Variants in VAT1L observed in about 807,000 individuals in gnomAD.
The protein encoded by VAT1L is putative NADPH-dependent quinone oxidoreductase VAT1L.
A neutral mutation model predicts 44.1 loss-of-function variants in VAT1L; 34 were observed. The ratio of observed to expected loss-of-function variants is 0.77; its 90% CI spans 0.59 to 1.03. The LOEUF is 1.03. Ranked by LOEUF, VAT1L falls within the 50% of genes least tolerant of loss-of-function variation. VAT1L has a pLI of 0.00. For synonymous variants in VAT1L, 253 were observed against 202.2 expected, an observed-to-expected ratio of 1.25 and a Z score of -2.13; for missense variants, 615 against 538.8, an observed-to-expected ratio of 1.14 and a Z score of -1.40.
At chr16:77,948,825 C>T (rs12444075) in intron 7 of VAT1L, among the ~76,000 whole-genome samples, 1 of 152,092 alleles carries the variant, frequency 6.6e-6, no homozygotes, top group Non-Finnish European at 1.5e-5. Flanking sequence ...TCATCTTCTA[C>T]ATATGTAACA....
At chr16:77,910,324 CA>C (rs1395227607) in intron 7 of VAT1L, among the ~76,000 whole-genome samples, 3 of 152,310 alleles carry the variant, frequency 2.0e-5, no homozygotes, top group East Asian at 3.9e-4. Context: ...GGATATGTTT[CA>C]CAAACATGAA....
At chr16:77,854,130 A>G (rs933082008) in intron 3 of VAT1L, among the ~76,000 whole-genome samples, 2 of 151,878 alleles carry the variant, frequency 1.3e-5, no homozygotes, top group African/African-American at 4.8e-5. Context: ...TCTGTCTCAA[A>G]CGAAAAAAAA....
rs981931508 is a variant in VAT1L at position 77,876,475 on chromosome 16, T to C, written c.826+2T>C. 2.5e-6 allele frequency: 4 copies of C among 1,613,938 alleles called. No individual in the cohort carries two copies. Among genetic ancestry groups the C allele is most frequent in the Non-Finnish European group, 2.5e-6 (3 of 1,179,800 alleles). ...CCCTGGGAACCTACATTTTATATGG[T>C]GAGTGCAAAACAGCAGCAGGGACGT... On this transcript the variant is annotated splice_donor_variant, in intron 5 of 8. Coordinates refer to ENST00000302536, the MANE Select transcript of VAT1L (RefSeq NM_020927.3). LOFTEE classifies it high-confidence loss of function.
chr16:77,825,596 C>T, intron 3 of VAT1L, 135 bp downstream of exon 3: 1 of 1,007,896 alleles, frequency 9.9e-7, no homozygotes, highest in Non-Finnish European at 1.5e-6. Context: ...TTCACATGGA[C>T]AGCAAAGCCC....
intron 3 of VAT1L, among the ~76,000 whole-genome samples, chr16:77,828,142 G>T (rs1444601420): frequency 6.6e-6 from 1 of 152,152 alleles, no homozygotes; most frequent in Non-Finnish European, 1.5e-5. Flanking sequence ...TGAACACTCC[G>T]CTGAGCCGGG....
chr16:77,814,740 C>T (rs529894818), intron 1 of VAT1L, among the ~76,000 whole-genome samples: 11 of 152,228 alleles, frequency 7.2e-5, no homozygotes, highest in Admixed American at 2.6e-4. Flanking sequence ...TACAGTGATG[C>T]GTTATTTATT....
chr16:77,977,659 C>G lies in VAT1L; in HGVS notation c.1224C>G (p.Asp408Glu). 1 of 1,614,076 alleles carries G rather than the reference C, an allele frequency of 6.2e-7. No individual in the cohort carries two copies. The highest frequency in any genetic ancestry group is 8.5e-7 in the Non-Finnish European group (1 of 1,179,974). ...AGEEEEDHEG[D>E]SENKERMPFI... ...AAGAGGAGGAGGACCACGAGGGAGA[C>G]AGCGAGAACAAGGAGCGGATGCCCT... Residue 408 changes from aspartate to glutamate, a missense_variant, in exon 9 of 9, where the codon GAC becomes GAG. Physicochemically the swap from Asp to Glu is conservative, Grantham distance 45 (BLOSUM62 2). Transcript: ENST00000302536.
rs2017189469 is a variant in VAT1L at position 77,884,571 on chromosome 16, T to A, written c.883-37T>A. On this transcript the variant is annotated intron_variant, in intron 6 of 8. Transcript: ENST00000302536. The surrounding 1 kb of genome is among the most constrained non-coding windows in gnomAD (Gnocchi z 4.5). ...TGCCAATGTAGGCTTAACCCCGGTATTGAGTTCCTATAACCCAATACCACC... is the reference window on the plus strand; with the variant it reads ...TGCCAATGTAGGCTTAACCCCGGTAATGAGTTCCTATAACCCAATACCACC... 2 of 1,595,702 alleles carry A rather than the reference T, an allele frequency of 1.3e-6. No individual in the cohort carries two copies. Among genetic ancestry groups the A allele is most frequent in the South Asian group, 1.1e-5 (1 of 88,186 alleles).
chr16:77,820,237 G>C (rs143380915), intron 2 of VAT1L, among the ~76,000 whole-genome samples: 207 of 152,214 alleles, frequency 1.4e-3, no homozygotes, highest in African/African-American at 4.2e-3. Context: ...CTAACACTAG[G>C]AGGAGATGAC....
chr16:77,887,765 A>G (rs2017224155), intron 7 of VAT1L, among the ~76,000 whole-genome samples: 1 of 152,172 alleles, frequency 6.6e-6, no homozygotes, highest in Non-Finnish European at 1.5e-5. Context: ...CCTTGAACAT[A>G]CTTCTTCCAT....
intron 6 of VAT1L, among the ~76,000 whole-genome samples, chr16:77,883,097 A>T (rs2017172011): frequency 6.6e-6 from 1 of 152,214 alleles, no homozygotes; most frequent in Admixed American, 6.5e-5. Flanking sequence ...TAAAAAAAAT[A>T]AAAAATTTTC....
intron 7 of VAT1L, among the ~76,000 whole-genome samples, chr16:77,909,068 G>C (rs1158148542): frequency 6.6e-6 from 1 of 152,138 alleles, no homozygotes; most frequent in Non-Finnish European, 1.5e-5. Flanking sequence ...CCATGTACTG[G>C]ACACTGTCCT....
chr16:77,802,606 C>T (rs1036750704), intron 1 of VAT1L, among the ~76,000 whole-genome samples: 10 of 140,944 alleles, frequency 7.1e-5, no homozygotes, highest in African/African-American at 2.7e-4. Flanking sequence ...AGAGCGAGAC[C>T]CCATCTCAAA....
chr16:77,943,590 G>A (rs192302014), intron 7 of VAT1L, among the ~76,000 whole-genome samples: 3 of 152,008 alleles, frequency 2.0e-5, no homozygotes, highest in South Asian at 4.2e-4. Context: ...TTTTAGTAGA[G>A]ATGGGGTTTC....
At chr16:77,830,449 T>TA in intron 3 of VAT1L, among the ~76,000 whole-genome samples, 1 of 152,276 alleles carries the variant, frequency 6.6e-6, no homozygotes, top group Non-Finnish European at 1.5e-5. Flanking sequence ...CATCTTGAAT[T>TA]ATGGCTCCCA....
At chr16:77,941,332 C>A (rs549710123) in intron 7 of VAT1L, among the ~76,000 whole-genome samples, 1 of 152,274 alleles carries the variant, frequency 6.6e-6, no homozygotes, top group Non-Finnish European at 1.5e-5. Context: ...TCATCCTACT[C>A]ACCGAAACAG....
At chr16:77,890,418 T>C (rs1302789589) in intron 7 of VAT1L, among the ~76,000 whole-genome samples, 2 of 152,076 alleles carry the variant, frequency 1.3e-5, no homozygotes, top group African/African-American at 4.8e-5. Context: ...GTAGGGGGAT[T>C]GCTGTTGGAG....
intron 8 of VAT1L, among the ~76,000 whole-genome samples, chr16:77,975,028 G>A (rs1299859545): frequency 6.6e-6 from 1 of 151,922 alleles, no homozygotes; most frequent in African/African-American, 2.4e-5. Flanking sequence ...CAGAAGACAT[G>A]GAGATGCAGG....
chr16:77,825,142 T>A (rs906816677), intron 2 of VAT1L, 104 bp from the exon 3 acceptor site: 19 of 1,239,738 alleles, frequency 1.5e-5, no homozygotes, highest in Non-Finnish European at 2.1e-5. Flanking sequence ...GCTGGGATTA[T>A]ACGCATGAGC....
Sources: gnomAD v4.1 joint callset for allele counts (sites outside exome capture counted in the v4.1 genomes callset) on GRCh38, gnomAD v4.1.1 for gene constraint, Gnocchi (gnomAD v3.1) non-coding constraint, MANE v1.5 for transcripts, NCBI Gene and HGNC (gene_info 2026-07-23, HGNC 2026-07-21) for gene names.